FOXJ3: variants seen among roughly 807,000 people sequenced by gnomAD.
The protein encoded by FOXJ3 is forkhead box protein J3.
A neutral mutation model predicts 76.1 loss-of-function variants in FOXJ3; 22 were observed. The observed-to-expected ratio is 0.29, with a 90% confidence interval of 0.21 to 0.41. The LOEUF is 0.41. FOXJ3 is among the 10% of genes least tolerant of loss of function. The probability of loss-of-function intolerance (pLI) is 1.00; values close to 1 mark genes in which losing one functional copy is unlikely to be tolerated. For missense variants in FOXJ3, 613 were observed against 762.1 expected (o/e 0.80, Z 2.30); for synonymous variants, 269 against 261.2 (o/e 1.03, Z -0.29).
intron 8 of FOXJ3, among the ~76,000 whole-genome samples, chr1:42,193,976 C>T (rs1646600923): frequency 1.3e-5 from 2 of 152,184 alleles, no homozygotes; most frequent in African/African-American, 2.4e-5. Context: ...GAGAATACCG[C>T]TAAAAGGCAT....
rs1651613689 is a variant in FOXJ3, at chr1:42,268,198, T to A, written c.370-3009A>T. 2.6e-5 allele frequency among the ~76,000 whole-genome samples: 4 copies of A among 151,690 alleles called. No homozygotes were observed. The South Asian group carries it at 8.3e-4, about 31-fold the overall frequency. On this transcript the variant is annotated intron_variant, in intron 3 of 12. Transcript: ENST00000361346. ...GGGCTAAAAATCAAAAAAAAGAACA[T>A]CTTGAAGGCAGCCAGAGAAAGCAGA... is the stretch of plus-strand genomic sequence containing the variant.
intron 1 of FOXJ3, chr1:42,315,396 T>C (rs970472155): frequency 1.3e-5 from 13 of 984,536 alleles, no homozygotes; most frequent in Admixed American, 6.1e-5. Flanking sequence ...TCTTCATCTG[T>C]AGGTTCTTAT....
In FOXJ3 at chr1:42,178,234, G is replaced by A. The variant is rs1646251343; in HGVS notation, c.*1476C>T. The A allele has an allele frequency of 6.6e-6, 1 of 152,180 alleles. No individual in the cohort carries two copies. The highest frequency in any genetic ancestry group is 2.4e-5 in the African/African-American group (1 of 41,424). The allele number at this position is 152,180 out of a possible 1,614,324, so 9.4% of individuals were successfully genotyped here. ...CATAATATCTACATTAAACACTGAAGCAAATAAAACTGTAAGTGGCTCTAT... is the reference window on the plus strand; with the variant it reads ...CATAATATCTACATTAAACACTGAAACAAATAAAACTGTAAGTGGCTCTAT... On this transcript the variant is annotated 3_prime_UTR_variant, in exon 13 of 13. Transcript: ENST00000361346.
intron 4 of FOXJ3, among the ~76,000 whole-genome samples, chr1:42,264,105 G>A (rs1194116817): frequency 6.6e-6 from 1 of 151,956 alleles, no homozygotes; most frequent in Non-Finnish European, 1.5e-5. Flanking sequence ...TTCAGCTGAA[G>A]TATGGGGAAA....
Position 42,177,265 on chromosome 1 carries a change from T to G in FOXJ3, c.*2445A>C, listed in dbSNP as rs1054814407. ...CATGGCCATTCTTGCTAAGTTTAAA[T>G]TCTCATAAAAATATTCATCACTGCA... On this transcript the variant is annotated 3_prime_UTR_variant, in exon 13 of 13. Transcript: ENST00000361346. 4.6e-5 allele frequency: 7 copies of G among 152,672 alleles called. No individual in the cohort carries two copies. Among genetic ancestry groups the G allele is most frequent in the African/African-American group, 1.4e-4 (6 of 41,462 alleles). The allele number at this position is 152,672 out of a possible 1,614,324, so 9.5% of individuals were successfully genotyped here. A position where few individuals can be genotyped will look rare whatever the true frequency, so the allele number is the denominator to read the frequency against.
rs1653880585 is a variant in FOXJ3 at position 42,297,772 on chromosome 1, T to C, written c.44+13278A>G. 2.0e-5 allele frequency among the ~76,000 whole-genome samples: 3 copies of C among 151,914 alleles called. 1 individual carries two copies. In the South Asian group the frequency reaches 6.2e-4, roughly 32 times the overall value. ...ATCTGGTGTCCTCACCTGACTTTGA[T>C]ACTGGTGTCCTCACCTGACTTTGAT... On this transcript the variant is annotated intron_variant, in intron 2 of 12. Transcript: ENST00000361346.
chr1:42,213,524 G>A (rs1472230272), intron 5 of FOXJ3, among the ~76,000 whole-genome samples: 1 of 145,896 alleles, frequency 6.9e-6, no homozygotes, highest in Non-Finnish European at 1.5e-5. Context: ...AATTCAACAA[G>A]AAGATATAAC....
intron 4 of FOXJ3, among the ~76,000 whole-genome samples, chr1:42,258,102 G>A (rs562417475): frequency 2.8e-4 from 43 of 152,264 alleles, no homozygotes; most frequent in African/African-American, 9.6e-4. Context: ...TTGGTAAAGG[G>A]AATCATCATA....
chr1:42,328,246 C>T (rs1166622142), intron 1 of FOXJ3, among the ~76,000 whole-genome samples: 1 of 152,154 alleles, frequency 6.6e-6, no homozygotes, highest in Non-Finnish European at 1.5e-5. Context: ...GCAATGAGCT[C>T]TCATGGAGTC....
chr1:42,231,175 A>C lies in FOXJ3; in HGVS notation c.445-3209T>G, dbSNP rs183680973. On this transcript the variant is annotated intron_variant, in intron 4 of 12. Coordinates refer to ENST00000361346, the MANE Select transcript of FOXJ3 (RefSeq NM_014947.5). Reference sequence around the variant, plus strand: ...CTTAAAAAAAAAAAAAAATACAAAAAATTAGCAGGGCATGATGGCAGGTGC... The same window carrying C: ...CTTAAAAAAAAAAAAAAATACAAAACATTAGCAGGGCATGATGGCAGGTGC... 1.8e-4 allele frequency among the ~76,000 whole-genome samples: 28 copies of C among 152,092 alleles called. 1 individual carries two copies. In the East Asian group the frequency reaches 5.4e-3, roughly 29 times the overall value.
At chr1:42,309,018 A>AAAAAAAAAT (rs1654640650) in intron 2 of FOXJ3, among the ~76,000 whole-genome samples, 1 of 151,520 alleles carries the variant, frequency 6.6e-6, no homozygotes. Context: ...AAAAAAAAAA[A>AAAAAAAAAT]TGCTTTTCTA....
At chr1:42,192,512 T>A (rs1356503309) in intron 8 of FOXJ3, among the ~76,000 whole-genome samples, 1 of 152,222 alleles carries the variant, frequency 6.6e-6, no homozygotes, top group African/African-American at 2.4e-5. Context: ...GAAGGGAAAC[T>A]ATGAAGAGGA....
chr1:42,204,994 GAAAA>G (rs1008792807), intron 6 of FOXJ3, among the ~76,000 whole-genome samples: 1 of 151,934 alleles, frequency 6.6e-6, no homozygotes, highest in Non-Finnish European at 1.5e-5. Flanking sequence ...GAGAGGGAGA[GAAAA>G]AAAGAGGGTG....
At chr1:42,205,975 T>C (rs1345599968) in intron 5 of FOXJ3, 112 bp from the exon 6 acceptor site, 2 of 629,690 alleles carry the variant, frequency 3.2e-6, no homozygotes, top group East Asian at 2.8e-5. Flanking sequence ...GCTTTGTTTC[T>C]GAAAATGAAT....
chr1:42,280,400 G>C (rs773986378), intron 2 of FOXJ3: 114 of 387,178 alleles, frequency 2.9e-4, no homozygotes, highest in Non-Finnish European at 3.6e-4. Flanking sequence ...CTCTGAACCT[G>C]AACTTTAAAT....
chr1:42,247,039 G>A (rs954362047), intron 4 of FOXJ3, among the ~76,000 whole-genome samples: 2 of 152,018 alleles, frequency 1.3e-5, no homozygotes, highest in Non-Finnish European at 2.9e-5. Context: ...TAGCAGTGCT[G>A]GGTGAAAATA....
At chr1:42,254,903 A>T (rs922939695) in intron 4 of FOXJ3, among the ~76,000 whole-genome samples, 2 of 151,690 alleles carry the variant, frequency 1.3e-5, no homozygotes, top group Admixed American at 6.6e-5. Flanking sequence ...AGCATGGCAC[A>T]TGTACACATA....
At position 42,212,968 on chromosome 1, in the gene FOXJ3, AAAAC is replaced by A. The variant is rs1449046655; in HGVS notation, c.529-7109_529-7106del. ...AATTTTGTATCTAGCAAAAAAAAAA[AAAAC>A]AAAAAAAAAACTAAGTTTCATAAGT... On this transcript the variant is annotated intron_variant, in intron 5 of 12. Transcript: ENST00000361346. Among the ~76,000 whole-genome samples, 468 of 143,512 alleles carry A rather than the reference AAAAC, an allele frequency of 3.3e-3. 8 individuals are homozygous for A. The highest frequency in any genetic ancestry group is 0.013 in the African/African-American group (446 of 34,914). The allele number at this position is 143,512 out of a possible 152,430, so 94.1% of individuals were successfully genotyped here.
At chr1:42,240,796 GA>G (rs1649075652) in intron 4 of FOXJ3, among the ~76,000 whole-genome samples, 1 of 152,160 alleles carries the variant, frequency 6.6e-6, no homozygotes, top group African/African-American at 2.4e-5. Flanking sequence ...CTTGGATTAG[GA>G]AATCTTTTCT....
Sources: allele counts gnomAD v4.1 joint callset (sites outside exome capture counted in the v4.1 genomes callset), GRCh38; gene constraint gnomAD v4.1.1; transcripts MANE v1.5; gene names NCBI Gene and HGNC (gene_info 2026-07-23, HGNC 2026-07-21).